The following TBC1D30 variants were observed in gnomAD, a reference collection of about 807,000 sequenced individuals.
TBC1D30 encodes TBC1 domain family, member 30.
A neutral mutation model predicts 63.2 loss-of-function variants in TBC1D30; 31 were observed. That is an observed-to-expected ratio of 0.49 (90% CI 0.37 to 0.66). The LOEUF is 0.66. Among genes scored for constraint, TBC1D30 ranks in the 30% least tolerant of loss-of-function variants. The probability of loss-of-function intolerance (pLI) is 0.00; values close to 1 mark genes in which losing one functional copy is unlikely to be tolerated. For missense variants in TBC1D30, 810 were observed against 953.6 expected (o/e 0.85, Z 1.98); for synonymous variants, 307 against 361.5 (o/e 0.85, Z 1.71).
At chr12:64,858,007 C>T (rs754166652) in intron 8 of TBC1D30, among the ~76,000 whole-genome samples, 1 of 152,116 alleles carries the variant, frequency 6.6e-6, no homozygotes, top group Non-Finnish European at 1.5e-5. Context: ...TCAAGACTGT[C>T]TCTCCTTCCC....
rs1198674124 is a variant in TBC1D30 at position 64,824,995 on chromosome 12, C to A, written c.116C>A (p.Ser39Tyr). 1 of 1,534,364 alleles carries A rather than the reference C, an allele frequency of 6.5e-7. No individual in the cohort carries two copies. Among genetic ancestry groups the A allele is most frequent in the Non-Finnish European group, 8.7e-7 (1 of 1,146,472 alleles). The change falls in exon 1 of 12, where the codon TCC becomes TAC. Residue 39 changes from serine (S) to tyrosine (Y), a missense_variant. Physicochemically the swap from Ser to Tyr is moderately radical, Grantham distance 144 (BLOSUM62 -2). This residue lies in a region of TBC1D30 where 272 missense variants were observed against 335.9 expected (regional missense o/e 0.81). Coordinates refer to ENST00000539867, the MANE Select transcript of TBC1D30 (RefSeq NM_015279.2). ...GTGCTCAAGAAGCGCAGCTGCATTT[C>A]CCGGACCGCGCCCCGGCTGCTGTGC... ...SNVLKKRSCI[S>Y]RTAPRLLCTL...
rs951308750 is a variant in TBC1D30 at position 64,879,386 on chromosome 12, G to A, written c.*3598G>A. ...AGAGACAGTATCCTGTTACATGTAT[G>A]TACATAGCCCGAATTATTTTCTTAG... On this transcript the variant is annotated 3_prime_UTR_variant, in exon 12 of 12. Transcript: ENST00000539867. 2.6e-5 allele frequency: 4 copies of A among 152,194 alleles called. No individual in the cohort carries two copies. Among genetic ancestry groups the A allele is most frequent in the Middle Eastern group, 3.2e-3 (1 of 316 alleles). 9.4% of individuals were successfully genotyped at this position (152,194 alleles called of 1,614,324 possible).
At chr12:64,819,083 T>C (rs911766131) in intron 2 of TBC1D30, among the ~76,000 whole-genome samples, 2 of 152,202 alleles carry the variant, frequency 1.3e-5, no homozygotes, top group Non-Finnish European at 2.9e-5. Flanking sequence ...GAGTGTGATT[T>C]GGTGTTGGAA....
At chr12:64,850,052 C>T (rs1211620786) in intron 8 of TBC1D30, among the ~76,000 whole-genome samples, 1 of 152,138 alleles carries the variant, frequency 6.6e-6, no homozygotes, top group Non-Finnish European at 1.5e-5. Context: ...TGGGAGTTCA[C>T]TCATGATTTG....
At chr12:64,800,661 C>G (rs1872545356) in intron 2 of TBC1D30, among the ~76,000 whole-genome samples, 1 of 151,932 alleles carries the variant, frequency 6.6e-6, no homozygotes, top group African/African-American at 2.4e-5. Flanking sequence ...AGGGAGTGAC[C>G]TGTTAGAGAG....
exon 1 of TBC1D30, chr12:64,780,773 G>T (rs1871226013): frequency 1.0e-6 from 1 of 988,664 alleles, no homozygotes; most frequent in Non-Finnish European, 1.2e-6. Context: ...GAGGCGGGAG[G>T]AGCAGCGGGA....
chr12:64,761,063 C>T (rs1870491981), intron 1 of TBC1D30, among the ~76,000 whole-genome samples: 1 of 152,068 alleles, frequency 6.6e-6, no homozygotes. Context: ...AACAATTATG[C>T]CGGAAGTGTG....
chr12:64,855,908 TC>T lies in TBC1D30; in HGVS notation c.1039-8759del, dbSNP rs569714332. 9.2e-5 allele frequency among the ~76,000 whole-genome samples: 14 copies of T among 152,352 alleles called. No homozygotes were observed. The East Asian group carries it at 2.5e-3, about 27-fold the overall frequency. ...GAGTTAGGTATTATAGTCTTCACAA[TC>T]TGAGCTTGTTTGTGCCTATCCTTCT... On this transcript the variant is annotated intron_variant, in intron 8 of 11. Transcript: ENST00000539867.
At chr12:64,843,355 TA>T in intron 7 of TBC1D30, 24 bp from the exon 8 acceptor site, 1 of 1,531,478 alleles carries the variant, frequency 6.5e-7, no homozygotes, top group South Asian at 1.2e-5. Flanking sequence ...AAACAAGTTG[TA>T]TTTTCTGTCC....
chr12:64,780,617 G>C (rs1028654652), exon 1 of TBC1D30, among the ~76,000 whole-genome samples: 4 of 152,326 alleles, frequency 2.6e-5, no homozygotes, highest in African/African-American at 9.6e-5. Context: ...CTTCTCGCCC[G>C]GTCCGGAGCG....
rs1874196710 is a variant in TBC1D30 at position 64,825,103 on chromosome 12, C to T, written c.154+70C>T. 14 of 1,478,450 alleles carry T rather than the reference C, an allele frequency of 9.5e-6. No homozygotes were observed. In the South Asian group the frequency reaches 1.1e-4, roughly 11 times the overall value. The allele number at this position is 1,478,450 out of a possible 1,614,324, so 91.6% of individuals were successfully genotyped here. On this transcript the variant is annotated intron_variant, in intron 1 of 11. Coordinates refer to ENST00000539867, the MANE Select transcript of TBC1D30 (RefSeq NM_015279.2). ...GGGGCTGCCCGCGCTTCTGCCTTAGCCTGACTCCGTCTAGGCCGGGGAGCT... is the reference window on the plus strand; with the variant it reads ...GGGGCTGCCCGCGCTTCTGCCTTAGTCTGACTCCGTCTAGGCCGGGGAGCT...
intron 1 of TBC1D30, among the ~76,000 whole-genome samples, chr12:64,760,837 A>G (rs1297155597): frequency 6.6e-6 from 1 of 151,998 alleles, no homozygotes; most frequent in African/African-American, 2.4e-5. Flanking sequence ...TGCAAAAAAA[A>G]AAAAATTACC....
intron 2 of TBC1D30, among the ~76,000 whole-genome samples, chr12:64,808,171 C>T (rs1234437620): frequency 1.3e-5 from 2 of 152,094 alleles, no homozygotes; most frequent in African/African-American, 4.8e-5. Context: ...ACATGCAGTA[C>T]TTACAATTTA....
Position 64,848,937 on chromosome 12 carries a change from T to A in TBC1D30, c.1038+5452T>A, listed in dbSNP as rs183569530. On this transcript the variant is annotated intron_variant, in intron 8 of 11. Coordinates refer to ENST00000539867, the MANE Select transcript of TBC1D30 (RefSeq NM_015279.2). ...TTCTCCACATCCTCTCCAGCATCTGTTGTTTCCTGACTTTTTAATGATTGC... is the reference window on the plus strand; with the variant it reads ...TTCTCCACATCCTCTCCAGCATCTGATGTTTCCTGACTTTTTAATGATTGC... Among the ~76,000 whole-genome samples the A allele has an allele frequency of 9.3e-4, 142 of 152,336 alleles. 2 individuals are homozygous for A. The highest frequency in any genetic ancestry group is 1.7e-3 in the South Asian group (8 of 4,822).
At chr12:64,860,803 A>T (rs975088676) in intron 8 of TBC1D30, among the ~76,000 whole-genome samples, 3 of 152,202 alleles carry the variant, frequency 2.0e-5, no homozygotes, top group Admixed American at 6.5e-5. Flanking sequence ...TTGGTTTCTC[A>T]GATTGTCTAG....
intron 1 of TBC1D30, among the ~76,000 whole-genome samples, chr12:64,772,879 A>G (rs981258247): frequency 2.0e-5 from 3 of 152,240 alleles, no homozygotes; most frequent in African/African-American, 7.2e-5. Context: ...TTGAGCAGCC[A>G]TAAACTTTCT....
chr12:64,829,316 C>G (rs148643957), intron 3 of TBC1D30, among the ~76,000 whole-genome samples: 1,749 of 152,220 alleles, frequency 0.011, 46 homozygotes, highest in African/African-American at 0.04. Flanking sequence ...ACAGATGCAT[C>G]AGGGTTGTGG....
chr12:64,780,180 A>C (rs537874184), upstream of TBC1D30, among the ~76,000 whole-genome samples: 4 of 152,330 alleles, frequency 2.6e-5, no homozygotes, highest in Admixed American at 2.6e-4. Flanking sequence ...CAGCGTTATT[A>C]AGTCCCAGAT....
intron 8 of TBC1D30, among the ~76,000 whole-genome samples, chr12:64,860,164 T>C (rs1011283209): frequency 6.6e-6 from 1 of 151,906 alleles, no homozygotes. Flanking sequence ...TCTACAGGCA[T>C]GTGCCACCAG....
Sources: allele counts gnomAD v4.1 joint callset (sites outside exome capture counted in the v4.1 genomes callset), GRCh38; gene constraint gnomAD v4.1.1; regional missense constraint gnomAD v4.1.1; transcripts MANE v1.5; gene names NCBI Gene and HGNC (gene_info 2026-07-23, HGNC 2026-07-21).